GMDS: variants seen among roughly 807,000 people sequenced by gnomAD.
GMDS encodes the protein GDP-mannose 4,6-dehydratase, also known as GDP-mannose 4,6 dehydratase.
Under a neutral mutation model 49.9 loss-of-function variants are expected in GMDS, and 20 were observed. The observed-to-expected ratio is 0.40, with a 90% CI of 0.28 to 0.58. The LOEUF (loss-of-function observed/expected upper bound fraction) is 0.58. Among genes scored for constraint, GMDS ranks in the 20% least tolerant of loss-of-function variants. The pLI is 0.42. For missense variants in GMDS, 362 were observed against 481.4 expected (o/e 0.75, Z 2.32); for synonymous variants, 177 against 178.6 (o/e 0.99, Z 0.07).
chr6:1,733,822 A>G (rs1216638915), intron 8 of GMDS, among the ~76,000 whole-genome samples: 1 of 150,262 alleles, frequency 6.7e-6, no homozygotes, highest in Non-Finnish European at 1.5e-5. Context: ...ACTGCACTCC[A>G]GCCAGGGCGA....
intron 7 of GMDS, among the ~76,000 whole-genome samples, chr6:1,853,149 GA>G (rs1370966444): frequency 1.3e-5 from 2 of 152,054 alleles, no homozygotes; most frequent in African/African-American, 4.8e-5. Context: ...AAGAAACTCT[GA>G]AAAGTATCTG....
chr6:2,124,393 GAATCATGTTACAGCTTCGCTTGCA>G (rs1775304126), intron 2 of GMDS, among the ~76,000 whole-genome samples: 6 of 152,176 alleles, frequency 3.9e-5, no homozygotes, highest in Admixed American at 3.9e-4. Flanking sequence ...AAATTAACCC[GAATCATGTTACAGCTTCGCTTGCA>G]CAGGCTGCTG....
At chr6:2,229,255 AG>A (rs1172386212) in intron 1 of GMDS, among the ~76,000 whole-genome samples, 1 of 152,118 alleles carries the variant, frequency 6.6e-6, no homozygotes, top group Non-Finnish European at 1.5e-5. Flanking sequence ...AGTACAGATA[AG>A]GGTGGTTCAA....
At chr6:1,646,422 T>G (rs979682368) in intron 9 of GMDS, among the ~76,000 whole-genome samples, 4 of 152,224 alleles carry the variant, frequency 2.6e-5, no homozygotes, top group African/African-American at 7.2e-5. Flanking sequence ...CTCCAATATC[T>G]GACCACTGTG....
chr6:1,662,252 G>C (rs956114188), intron 9 of GMDS, among the ~76,000 whole-genome samples: 1 of 152,184 alleles, frequency 6.6e-6, no homozygotes, highest in South Asian at 2.1e-4. Context: ...GGTGGCAATG[G>C]TGAGTTTTCA....
At chr6:2,049,177 T>C (rs1770211572) in intron 4 of GMDS, among the ~76,000 whole-genome samples, 1 of 152,242 alleles carries the variant, frequency 6.6e-6, no homozygotes, top group Non-Finnish European at 1.5e-5. Flanking sequence ...TGCAGTATTT[T>C]GTTATGGCAA....
intron 1 of GMDS, among the ~76,000 whole-genome samples, chr6:2,244,354 G>A (rs1002717489): frequency 2.0e-5 from 3 of 152,074 alleles, no homozygotes; most frequent in African/African-American, 7.2e-5. Context: ...TTAGGCAAGC[G>A]ACTGGAACAT....
intron 4 of GMDS, among the ~76,000 whole-genome samples, chr6:2,097,478 T>A (rs567862916): frequency 6.6e-6 from 1 of 152,214 alleles, no homozygotes; most frequent in East Asian, 1.9e-4. Flanking sequence ...ATGTAAATTA[T>A]GCCTGGCTTT....
intron 6 of GMDS, among the ~76,000 whole-genome samples, chr6:1,945,817 A>C (rs1025257391): frequency 2.0e-5 from 3 of 152,264 alleles, no homozygotes; most frequent in Non-Finnish European, 4.4e-5. Context: ...TGTGAAGAGA[A>C]TCACAGAAAA....
chr6:1,891,812 T>C (rs1759884105), intron 7 of GMDS, among the ~76,000 whole-genome samples: 1 of 152,168 alleles, frequency 6.6e-6, no homozygotes, highest in Non-Finnish European at 1.5e-5. Flanking sequence ...CTATGCACAC[T>C]AGAAGTTTGA....
intron 9 of GMDS, among the ~76,000 whole-genome samples, chr6:1,690,040 G>A (rs1431795073): frequency 6.6e-6 from 1 of 152,154 alleles, no homozygotes; most frequent in African/African-American, 2.4e-5. Context: ...GGGAGGCAGA[G>A]GCTGTAGTGA....
intron 9 of GMDS, among the ~76,000 whole-genome samples, chr6:1,669,112 G>T (rs1764332421): frequency 6.6e-6 from 1 of 152,190 alleles, no homozygotes; most frequent in East Asian, 1.9e-4. Flanking sequence ...TTGCTGCCCT[G>T]ATTAAAAGAA....
In GMDS at chr6:1,812,506, C is replaced by T. The variant is rs1018137899; in HGVS notation, c.772-69920G>A. ...CTGAGGGGAAAAAAAGAAGAAAGGG[C>T]AGAGGAAAGAAAGGCAAGGGGGAGA... On this transcript the variant is annotated intron_variant, in intron 7 of 10. Transcript: ENST00000380815. Among the ~76,000 whole-genome samples the T allele has an allele frequency of 8.0e-5, 12 of 149,706 alleles. 1 individual carries two copies. The highest frequency in any genetic ancestry group is 2.7e-4 in the African/African-American group (11 of 40,482).
intron 7 of GMDS, among the ~76,000 whole-genome samples, chr6:1,853,229 A>G (rs1757772087): frequency 6.6e-6 from 1 of 151,818 alleles, no homozygotes; most frequent in Non-Finnish European, 1.5e-5. Context: ...TGAAGATTAT[A>G]TAAGGAGGGC....
At chr6:1,683,466 C>T (rs1026503447) in intron 9 of GMDS, among the ~76,000 whole-genome samples, 1 of 152,104 alleles carries the variant, frequency 6.6e-6, no homozygotes, top group Non-Finnish European at 1.5e-5. Flanking sequence ...CTGCCTCAAG[C>T]CCTGTCATAA....
At chr6:2,166,600 A>G in intron 1 of GMDS, among the ~76,000 whole-genome samples, 1 of 152,214 alleles carries the variant, frequency 6.6e-6, no homozygotes, top group South Asian at 2.1e-4. Flanking sequence ...CTGCTCTTAG[A>G]TTCTTCATCT....
rs569787267 is a variant in GMDS at position 2,017,224 on chromosome 6, G to T, written c.346-56258C>A. On this transcript the variant is annotated intron_variant, in intron 4 of 10. Transcript: ENST00000380815. Reference sequence around the variant, plus strand: ...TGGACACAAGACACAAAATTTTCATGCCAGGAATGAAAGACAGCAAATTAT... The same window carrying T: ...TGGACACAAGACACAAAATTTTCATTCCAGGAATGAAAGACAGCAAATTAT... Among the ~76,000 whole-genome samples the T allele has an allele frequency of 3.3e-5, 5 of 152,242 alleles. No homozygotes were observed. In the South Asian group the frequency reaches 1.0e-3, roughly 32 times the overall value.
chr6:1,775,508 G>A (rs1167589470), intron 7 of GMDS, among the ~76,000 whole-genome samples: 1 of 152,174 alleles, frequency 6.6e-6, no homozygotes, highest in Non-Finnish European at 1.5e-5. Context: ...TGTAAGAGTG[G>A]CACTCTCACT....
At chr6:2,033,402 G>A (rs563289054) in intron 4 of GMDS, among the ~76,000 whole-genome samples, 1 of 152,204 alleles carries the variant, frequency 6.6e-6, no homozygotes, top group East Asian at 1.9e-4. Context: ...AATTATTTTT[G>A]ACCAAGGGCC....
Sources: allele counts gnomAD v4.1 joint callset (sites outside exome capture counted in the v4.1 genomes callset), GRCh38; gene constraint gnomAD v4.1.1; transcripts MANE v1.5; gene names NCBI Gene and HGNC (gene_info 2026-07-23, HGNC 2026-07-21).